Variants in CORIN observed in about 807,000 individuals in gnomAD.
CORIN encodes corin, serine peptidase, also known as atrial natriuretic peptide-converting enzyme.
A neutral mutation model predicts 125.3 loss-of-function variants in CORIN; 117 were observed. The observed-to-expected ratio is 0.93, with a 90% CI of 0.80 to 1.09. The LOEUF (loss-of-function observed/expected upper bound fraction) is 1.09. Among genes scored for constraint, CORIN ranks in the 50% least tolerant of loss-of-function variants. The pLI is 0.00. For synonymous variants in CORIN, 450 were observed against 466.4 expected (o/e 0.96, Z 0.45); for missense variants, 1,253 against 1,306.7 (o/e 0.96, Z 0.63).
chr4:47,788,280 C>T (rs1730909477), intron 2 of CORIN, among the ~76,000 whole-genome samples: 1 of 152,178 alleles, frequency 6.6e-6, no homozygotes, highest in Non-Finnish European at 1.5e-5. Flanking sequence ...TAATATCAGT[C>T]TATGGAAACA....
intron 15 of CORIN, among the ~76,000 whole-genome samples, chr4:47,642,657 A>G (rs1042082726): frequency 2.0e-5 from 3 of 152,234 alleles, no homozygotes; most frequent in African/African-American, 4.8e-5. Context: ...AAATTAATCA[A>G]ACTCAAGATC....
intron 1 of CORIN, among the ~76,000 whole-genome samples, chr4:47,807,282 T>C (rs1731840697): frequency 6.6e-6 from 1 of 152,230 alleles, no homozygotes; most frequent in South Asian, 2.1e-4. Context: ...CGGAAGTACA[T>C]AGGCTTTTAA....
At chr4:47,708,638 A>G (rs1452894562) in intron 5 of CORIN, among the ~76,000 whole-genome samples, 1 of 152,130 alleles carries the variant, frequency 6.6e-6, no homozygotes, top group Non-Finnish European at 1.5e-5. Context: ...GTTCCATACC[A>G]ACAACCACCT....
At chr4:47,640,487 G>C (rs1289883837) in intron 16 of CORIN, among the ~76,000 whole-genome samples, 1 of 152,194 alleles carries the variant, frequency 6.6e-6, no homozygotes, top group African/African-American at 2.4e-5. Flanking sequence ...CAGTGGGTAC[G>C]AGAAAATGGA....
intron 1 of CORIN, among the ~76,000 whole-genome samples, chr4:47,832,841 G>A (rs1190496818): frequency 6.6e-6 from 1 of 152,202 alleles, no homozygotes; most frequent in Non-Finnish European, 1.5e-5. Flanking sequence ...TCATGTATCT[G>A]TGCTGCCCAA....
intron 5 of CORIN, among the ~76,000 whole-genome samples, chr4:47,699,732 A>T (rs1457806238): frequency 6.6e-6 from 1 of 152,228 alleles, no homozygotes; most frequent in Non-Finnish European, 1.5e-5. Flanking sequence ...TTGCTAGGAG[A>T]ATAAACTACT....
chr4:47,761,051 T>G (rs1180863148), intron 4 of CORIN, among the ~76,000 whole-genome samples: 1 of 152,222 alleles, frequency 6.6e-6, no homozygotes, highest in East Asian at 1.9e-4. Flanking sequence ...TTGTGGCTGT[T>G]TTGATCTTCC....
intron 16 of CORIN, among the ~76,000 whole-genome samples, chr4:47,641,183 G>A (rs1269093968): frequency 6.6e-6 from 1 of 152,094 alleles, no homozygotes; most frequent in Admixed American, 6.6e-5. Flanking sequence ...TTGTTCAATG[G>A]ATCTTAGGAA....
At chr4:47,704,939 C>T (rs1380988221) in intron 5 of CORIN, among the ~76,000 whole-genome samples, 5 of 152,168 alleles carry the variant, frequency 3.3e-5, no homozygotes, top group Non-Finnish European at 7.3e-5. Flanking sequence ...GTGAGGCACA[C>T]ACAGGGAAGA....
At chr4:47,696,182 A>T (rs1226466004) in intron 5 of CORIN, among the ~76,000 whole-genome samples, 2 of 152,206 alleles carry the variant, frequency 1.3e-5, no homozygotes, top group Non-Finnish European at 2.9e-5. Context: ...AGGTTTCTGT[A>T]GAGATTTTTC....
intron 5 of CORIN, among the ~76,000 whole-genome samples, 184 bp downstream of exon 5, chr4:47,744,218 G>A (rs568772882): frequency 7.9e-5 from 12 of 151,830 alleles, no homozygotes; most frequent in East Asian, 5.9e-4. Context: ...GACAGGCAGC[G>A]GGCTTGAAGG....
At chr4:47,796,458 A>C in intron 2 of CORIN, among the ~76,000 whole-genome samples, 1 of 152,212 alleles carries the variant, frequency 6.6e-6, no homozygotes, top group Non-Finnish European at 1.5e-5. Context: ...AAGGGTATAA[A>C]GTTTCAGTAA....
intron 1 of CORIN, among the ~76,000 whole-genome samples, chr4:47,835,212 T>A (rs1318960449): frequency 6.6e-6 from 1 of 152,192 alleles, no homozygotes; most frequent in Admixed American, 6.5e-5. Flanking sequence ...CCAGCCAGTA[T>A]CAGGTCAGTA....
At chr4:47,641,073 G>A (rs2109607985) in intron 16 of CORIN, among the ~76,000 whole-genome samples, 1 of 152,226 alleles carries the variant, frequency 6.6e-6, no homozygotes, top group East Asian at 1.9e-4. Flanking sequence ...AAGATGGTGG[G>A]AGCTGCATAT....
intron 11 of CORIN, 63 bp from the exon 12 acceptor site, chr4:47,661,919 T>C: frequency 1.4e-6 from 2 of 1,464,318 alleles, no homozygotes; most frequent in Non-Finnish European, 1.8e-6. Flanking sequence ...ACAGATGTCA[T>C]AAATTTATGT....
intron 2 of CORIN, among the ~76,000 whole-genome samples, chr4:47,788,010 G>A (rs2109919434): frequency 6.6e-6 from 1 of 152,296 alleles, no homozygotes; most frequent in South Asian, 2.1e-4. Flanking sequence ...TTTGTCTTTA[G>A]GAAGAAACAT....
At chr4:47,725,072 A>G (rs1727526215) in intron 5 of CORIN, among the ~76,000 whole-genome samples, 1 of 152,306 alleles carries the variant, frequency 6.6e-6, no homozygotes, top group Admixed American at 6.5e-5. Flanking sequence ...TATCTAACAA[A>G]ATACGTGCAA....
intron 1 of CORIN, among the ~76,000 whole-genome samples, chr4:47,814,590 G>T (rs991835450): frequency 3.3e-5 from 5 of 152,144 alleles, no homozygotes; most frequent in Non-Finnish European, 5.9e-5. Flanking sequence ...CTCAAGCCAG[G>T]CATCTGCAAT....
intron 5 of CORIN, among the ~76,000 whole-genome samples, chr4:47,733,703 T>G (rs1727991537): frequency 6.6e-6 from 1 of 152,160 alleles, no homozygotes; most frequent in Non-Finnish European, 1.5e-5. Flanking sequence ...TTCTCACATC[T>G]CAACTATGGA....
Sources: allele counts gnomAD v4.1 joint callset (sites outside exome capture counted in the v4.1 genomes callset), GRCh38; gene constraint gnomAD v4.1.1; transcripts MANE v1.5; gene names NCBI Gene and HGNC (gene_info 2026-07-23, HGNC 2026-07-21).